The following EZR variants were observed in gnomAD, a reference collection of about 807,000 sequenced individuals.
EZR encodes the protein cytovillin 2.
A neutral mutation model predicts 74.8 loss-of-function variants in EZR; 40 were observed. The ratio of observed to expected loss-of-function variants is 0.53; its 90% CI spans 0.42 to 0.70. The LOEUF (loss-of-function observed/expected upper bound fraction) is 0.70, where lower values mean the gene tolerates loss of function less well. Among genes scored for constraint, EZR ranks in the 30% least tolerant of loss-of-function variants. EZR has a pLI of 0.00. For missense variants in EZR, 678 were observed against 755.8 expected, an observed-to-expected ratio of 0.90 and a Z score of 1.21; for synonymous variants, 341 against 283.3, an observed-to-expected ratio of 1.20 and a Z score of -2.05.
intron 3 of EZR, among the ~76,000 whole-genome samples, chr6:158,788,933 G>A (rs948033406): frequency 5.9e-5 from 9 of 152,230 alleles, no homozygotes; most frequent in Non-Finnish European, 1.2e-4. Context: ...GTAGGAAGCC[G>A]CGTCTCTAAT....
At chr6:158,818,211 C>T in intron 1 of EZR, 45 bp from the exon 2 acceptor site, 3 of 1,106,534 alleles carry the variant, frequency 2.7e-6, no homozygotes, top group Non-Finnish European at 3.8e-6. Context: ...CGCCCTGCCT[C>T]GTCCTCCTGC....
chr6:158,789,492 C>T (rs771598989), intron 2 of EZR, 121 bp from the exon 3 acceptor site: 1 of 894,794 alleles, frequency 1.1e-6, no homozygotes, highest in South Asian at 1.3e-5. Context: ...ACATCAGTTC[C>T]TGTGCTAGTC....
chr6:158,767,407 G>C lies in EZR; in HGVS notation c.1450C>G (p.His484Asp), dbSNP rs988578005. The C allele has an allele frequency of 1.2e-6, 2 of 1,614,002 alleles. No homozygotes were observed. Among genetic ancestry groups the C allele is most frequent in the Admixed American group, 3.3e-5 (2 of 60,012 alleles). Residue 484 changes from histidine to aspartate, a missense_variant, in exon 13 of 14, where the codon CAT (histidine) becomes GAT (aspartate). His to Asp is a moderately conservative substitution (Grantham distance 81, BLOSUM62 -1). This residue lies in a region of EZR where 342 missense variants were observed against 341.2 expected (regional missense o/e 1.00). Coordinates refer to ENST00000367075, the MANE Select transcript of EZR (RefSeq NM_001111077.2). ...TCATCCTGCAAGCTCTCCTGGACAT[G>C]GTAGCTCACCGGCTCGTACACGGGG... ...PPPVYEPVSY[H>D]VQESLQDEGA...
rs543300733 is a variant in EZR at position 158,810,638 on chromosome 6, A to G, written c.12+7444T>C. On this transcript the variant is annotated intron_variant, in intron 2 of 13. Transcript: ENST00000367075. ...GAGAGGATGGACATGAGACAAAATC[A>G]GAGTCCTCCCTTTTACTAAGATAAC... Among the ~76,000 whole-genome samples, 6 of 152,336 alleles carry G rather than the reference A, an allele frequency of 3.9e-5. No individual in the cohort carries two copies. In the South Asian group the frequency reaches 1.2e-3, roughly 32 times the overall value.
At chr6:158,775,733 AT>A (rs1791257078) in intron 8 of EZR, among the ~76,000 whole-genome samples, 1 of 152,282 alleles carries the variant, frequency 6.6e-6, no homozygotes, top group South Asian at 2.1e-4. Context: ...TGCTACAGTT[AT>A]GTGCGTATGT....
chr6:158,811,297 C>A (rs1777446069), intron 2 of EZR, among the ~76,000 whole-genome samples: 1 of 151,832 alleles, frequency 6.6e-6, no homozygotes, highest in Non-Finnish European at 1.5e-5. Context: ...AATGCATTCA[C>A]TGACTTTGAA....
chr6:158,783,427 A>ATACT, intron 7 of EZR, 93 bp downstream of exon 7: 2 of 1,249,922 alleles, frequency 1.6e-6, no homozygotes, highest in Non-Finnish European at 2.3e-6. Context: ...TGCTAAATAA[A>ATACT]TACTTCAAAA....
At chr6:158,803,636 CATATAT>C (rs778538326) in intron 2 of EZR, among the ~76,000 whole-genome samples, 8 of 36,370 alleles carry the variant, frequency 2.2e-4, no homozygotes, top group South Asian at 1.0e-3. Flanking sequence ...CATATACATA[CATATAT>C]ATATATATAT....
chr6:158,816,326 T>A (rs1777553343), intron 2 of EZR, among the ~76,000 whole-genome samples: 1 of 152,234 alleles, frequency 6.6e-6, no homozygotes, highest in South Asian at 2.1e-4. Flanking sequence ...CTGTATATTT[T>A]ACCAAAATAC....
chr6:158,796,188 G>C (rs1011441974), intron 2 of EZR, among the ~76,000 whole-genome samples: 1 of 152,128 alleles, frequency 6.6e-6, no homozygotes, highest in African/African-American at 2.4e-5. Context: ...GTGTTTTCAC[G>C]GAGAAGGGAC....
At chr6:158,771,534 C>G (rs1791111144) in intron 8 of EZR, 127 bp from the exon 9 acceptor site, 1 of 1,017,958 alleles carries the variant, frequency 9.8e-7, no homozygotes, top group Admixed American at 3.0e-5. Flanking sequence ...ATGGCAGCAT[C>G]TCGGCACTAG....
chr6:158,809,060 G>A (rs1020235474), intron 2 of EZR, among the ~76,000 whole-genome samples: 1 of 152,216 alleles, frequency 6.6e-6, no homozygotes, highest in African/African-American at 2.4e-5. Context: ...TTGTACCACT[G>A]CACTCGTGCT....
At chr6:158,800,471 T>C (rs1777165138) in intron 2 of EZR, among the ~76,000 whole-genome samples, 1 of 152,352 alleles carries the variant, frequency 6.6e-6, no homozygotes. Context: ...CTAAGTGTCC[T>C]TGTTGACTTT....
At chr6:158,778,985 C>T (rs1791354550) in intron 7 of EZR, among the ~76,000 whole-genome samples, 1 of 152,128 alleles carries the variant, frequency 6.6e-6, no homozygotes, top group East Asian at 1.9e-4. Flanking sequence ...GTAGCTAGAA[C>T]TAGGACATCT....
At chr6:158,798,965 A>C (rs912722194) in intron 2 of EZR, among the ~76,000 whole-genome samples, 4 of 152,142 alleles carry the variant, frequency 2.6e-5, no homozygotes, top group African/African-American at 9.7e-5. Context: ...CAGCACTCTA[A>C]TTACAAAAAT....
In EZR at chr6:158,815,075, T is replaced by C. The variant is rs549833552; in HGVS notation, c.12+3007A>G. Among the ~76,000 whole-genome samples, 3 of 152,352 alleles carry C rather than the reference T, an allele frequency of 2.0e-5. No homozygotes were observed. The East Asian group carries it at 5.8e-4, about 29-fold the overall frequency. ...TAAGTGTGTTTGCCCCTTAATCCAG[T>C]TGTTAAACATTAAGCCCAAGAAAAC... On this transcript the variant is annotated intron_variant, in intron 2 of 13. Coordinates refer to ENST00000367075, the MANE Select transcript of EZR (RefSeq NM_001111077.2).
At chr6:158,773,305 G>C (rs1473951812) in intron 8 of EZR, among the ~76,000 whole-genome samples, 1 of 152,204 alleles carries the variant, frequency 6.6e-6, no homozygotes, top group African/African-American at 2.4e-5. Context: ...CAGAATTTGG[G>C]GAGTCCACTG....
intron 2 of EZR, among the ~76,000 whole-genome samples, chr6:158,808,882 CTT>C (rs1777395935): frequency 1.3e-5 from 2 of 152,314 alleles, no homozygotes; most frequent in South Asian, 2.1e-4. Flanking sequence ...AATGCCAACA[CTT>C]TGAGAGACTG....
intron 2 of EZR, among the ~76,000 whole-genome samples, chr6:158,814,784 G>A (rs898968716): frequency 1.3e-5 from 2 of 152,044 alleles, no homozygotes; most frequent in South Asian, 2.1e-4. Context: ...CTTGTGATCC[G>A]CCCACCTCGG....
Sources: allele counts gnomAD v4.1 joint callset (sites outside exome capture counted in the v4.1 genomes callset), GRCh38; gene constraint gnomAD v4.1.1; regional missense constraint gnomAD v4.1.1; transcripts MANE v1.5; gene names NCBI Gene and HGNC (gene_info 2026-07-23, HGNC 2026-07-21).